PDE1A: variants seen among roughly 807,000 people sequenced by gnomAD.
PDE1A encodes dual specificity calcium/calmodulin-dependent 3',5'-cyclic nucleotide phosphodiesterase 1A.
PDE1A carries 35 observed loss-of-function variants against 61.7 expected under a neutral mutation model. The observed-to-expected ratio is 0.57, with a 90% confidence interval of 0.43 to 0.75. The LOEUF is 0.75. Ranked by LOEUF, PDE1A falls within the 30% of genes least tolerant of loss-of-function variation. The pLI is 0.00. For missense variants in PDE1A, 597 were observed against 630.6 expected, an observed-to-expected ratio of 0.95 and a Z score of 0.57; for synonymous variants, 232 against 213.2, an observed-to-expected ratio of 1.09 and a Z score of -0.77.
At chr2:182,448,410 T>C (rs748249265) in intron 2 of PDE1A, among the ~76,000 whole-genome samples, 69 of 152,088 alleles carry the variant, frequency 4.5e-4, no homozygotes, top group Middle Eastern at 3.2e-3. Flanking sequence ...TCTTTTAACT[T>C]ATGTTTCCCT....
chr2:182,201,478 A>G, exon 10 of PDE1A: 1 of 1,614,082 alleles, frequency 6.2e-7, no homozygotes, highest in Non-Finnish European at 8.5e-7. Context: ...TGGTCCACCG[A>G]TAATGCAGCT....
the PDE1A span, among the ~76,000 whole-genome samples, chr2:182,650,724 C>T: frequency 0.16 from 25,004 of 152,094 alleles, 2,847 homozygotes; most frequent in African/African-American, 0.33. Context: ...ACTTTTTTAA[C>T]GTAAGTATAC....
At chr2:182,151,565 A>C (rs935106625) in intron 13 of PDE1A, among the ~76,000 whole-genome samples, 3 of 152,214 alleles carry the variant, frequency 2.0e-5, no homozygotes, top group Non-Finnish European at 4.4e-5. Context: ...CCCAAGCTAC[A>C]ATCATGAGTA....
intron 2 of PDE1A, among the ~76,000 whole-genome samples, chr2:182,512,844 A>G (rs1369702898): frequency 6.6e-6 from 1 of 152,236 alleles, no homozygotes; most frequent in Non-Finnish European, 1.5e-5. Context: ...CAAGCTGAGG[A>G]AAGAATCTCA....
intron 2 of PDE1A, among the ~76,000 whole-genome samples, chr2:182,262,043 A>G (rs1348276867): frequency 6.6e-6 from 1 of 152,152 alleles, no homozygotes; most frequent in Non-Finnish European, 1.5e-5. Context: ...TAAAATTTGC[A>G]CTTTGGATTC....
downstream of PDE1A, among the ~76,000 whole-genome samples, chr2:182,146,840 G>A (rs1402550438): frequency 6.6e-6 from 1 of 151,936 alleles, no homozygotes; most frequent in Non-Finnish European, 1.5e-5. Flanking sequence ...TATAATTTTT[G>A]TTGATTAACA....
At chr2:182,184,132 T>C (rs1175213880) in intron 13 of PDE1A, among the ~76,000 whole-genome samples, 1 of 151,660 alleles carries the variant, frequency 6.6e-6, no homozygotes, top group Non-Finnish European at 1.5e-5. Context: ...AACACAATCC[T>C]CAGAAGGAGA....
chr2:182,616,689 C>T, the PDE1A span, among the ~76,000 whole-genome samples: 1 of 152,328 alleles, frequency 6.6e-6, no homozygotes, highest in East Asian at 1.9e-4. Context: ...AGGCAGTTTT[C>T]CCAGCTACTT....
At chr2:182,604,578 T>C in the PDE1A span, among the ~76,000 whole-genome samples, 1 of 152,136 alleles carries the variant, frequency 6.6e-6, no homozygotes, top group Non-Finnish European at 1.5e-5. Flanking sequence ...AGACAACCAA[T>C]GAAAGAAGTT....
the PDE1A span, among the ~76,000 whole-genome samples, chr2:182,600,878 C>A: frequency 0.15 from 23,551 of 152,182 alleles, 2,083 homozygotes; most frequent in African/African-American, 0.24. Flanking sequence ...AATGGCAAAT[C>A]TGACACAGGC....
At chr2:182,191,308 A>G (rs546979422) in intron 10 of PDE1A, among the ~76,000 whole-genome samples, 1 of 152,220 alleles carries the variant, frequency 6.6e-6, no homozygotes, top group Non-Finnish European at 1.5e-5. Flanking sequence ...GGTGGGGGAA[A>G]GATTTGAATA....
At chr2:182,273,895 ATATTAGAC>A (rs1693217145) in intron 1 of PDE1A, among the ~76,000 whole-genome samples, 1 of 152,104 alleles carries the variant, frequency 6.6e-6, no homozygotes, top group African/African-American at 2.4e-5. Flanking sequence ...TAAAAGTGGT[ATATTAGAC>A]CAAACAAAAT....
intron 1 of PDE1A, among the ~76,000 whole-genome samples, chr2:182,335,463 A>G (rs1258784326): frequency 1.3e-5 from 2 of 152,140 alleles, no homozygotes; most frequent in Admixed American, 1.3e-4. Flanking sequence ...AATAACGCCA[A>G]CACATCTACT....
At chr2:182,641,688 C>G in the PDE1A span, among the ~76,000 whole-genome samples, 1 of 152,090 alleles carries the variant, frequency 6.6e-6, no homozygotes, top group Non-Finnish European at 1.5e-5. Flanking sequence ...TTTTACAACC[C>G]GAATAATGAC....
chr2:182,343,528 G>T (rs1698330068), intron 1 of PDE1A, among the ~76,000 whole-genome samples: 1 of 152,078 alleles, frequency 6.6e-6, no homozygotes, highest in Non-Finnish European at 1.5e-5. Context: ...TAGAAAATTT[G>T]TCATTAAAAT....
At chr2:182,156,457 G>C (rs755013055) in intron 13 of PDE1A, among the ~76,000 whole-genome samples, 1 of 152,016 alleles carries the variant, frequency 6.6e-6, no homozygotes, top group Non-Finnish European at 1.5e-5. Flanking sequence ...TGGTAACATG[G>C]TGCTAAGGCT....
In PDE1A at chr2:182,506,095, G is replaced by A. The variant is rs556978212; in HGVS notation, c.101+16181C>T. Among the ~76,000 whole-genome samples, 3 of 152,244 alleles carry A rather than the reference G, an allele frequency of 2.0e-5. No homozygotes were observed. In the South Asian group the frequency reaches 6.2e-4, roughly 32 times the overall value. On this transcript the variant is annotated intron_variant, in intron 2 of 14. Coordinates refer to the PDE1A transcript ENST00000410103. ...AATGCATAACTAAATATCAGAAAATGATGTTATGCTATACAAGTTTTTATC... is the reference window on the plus strand; with the variant it reads ...AATGCATAACTAAATATCAGAAAATAATGTTATGCTATACAAGTTTTTATC...
At chr2:182,301,640 T>C (rs969113542) in intron 1 of PDE1A, among the ~76,000 whole-genome samples, 1 of 152,212 alleles carries the variant, frequency 6.6e-6, no homozygotes, top group Admixed American at 6.5e-5. Flanking sequence ...ACAGTGAGTA[T>C]GCTGACACAA....
At chr2:182,171,824 C>T (rs747374856) in intron 13 of PDE1A, among the ~76,000 whole-genome samples, 1 of 151,406 alleles carries the variant, frequency 6.6e-6, no homozygotes, top group Non-Finnish European at 1.5e-5. Flanking sequence ...TATCCAAAGA[C>T]TTAGCTTACT....
Sources: gnomAD v4.1 joint callset for allele counts (sites outside exome capture counted in the v4.1 genomes callset) on GRCh38, gnomAD v4.1.1 for gene constraint, MANE v1.5 for transcripts, NCBI Gene and HGNC (gene_info 2026-07-23, HGNC 2026-07-21) for gene names.